The following CUL5 variants were observed in gnomAD, a reference collection of about 807,000 sequenced individuals.
CUL5 encodes the protein cullin-5.
Under a neutral mutation model 108.8 loss-of-function variants are expected in CUL5, and 26 were observed. That is an observed-to-expected ratio of 0.24 (90% confidence interval 0.18 to 0.33). The LOEUF (loss-of-function observed/expected upper bound fraction) is 0.33. CUL5 is among the 10% of genes least tolerant of loss of function. CUL5 has a pLI of 1.00. For missense variants in CUL5, 524 were observed against 909.2 expected (o/e 0.58, Z 5.45); for synonymous variants, 334 against 298.0 (o/e 1.12, Z -1.25).
chr11:108,101,921 C>A (rs1474889571), intron 18 of CUL5, among the ~76,000 whole-genome samples: 1 of 152,206 alleles, frequency 6.6e-6, no homozygotes, highest in African/African-American at 2.4e-5. Context: ...CTGACATAAA[C>A]CCCAATTTAT....
chr11:108,072,434 T>C lies in CUL5; in HGVS notation c.977T>C (p.Met326Thr). Residue 326 changes from methionine to threonine, a missense_variant, in exon 9 of 19, where the codon ATG (methionine) becomes ACG (threonine). Physicochemically the swap from Met to Thr is moderately conservative, Grantham distance 81. Coordinates refer to ENST00000393094, the MANE Select transcript of CUL5 (RefSeq NM_003478.6). ...ATCATTAGTGCTGGCCTGGCAGATATGGTAGCAGCTGCTGAAACTATTACT... is the reference window on the plus strand; with the variant it reads ...ATCATTAGTGCTGGCCTGGCAGATACGGTAGCAGCTGCTGAAACTATTACT... ...EHIISAGLAD[M>T]VAAAETITTD... 6.2e-7 allele frequency: 1 copy of C among 1,612,116 alleles called. No homozygotes were observed. Among genetic ancestry groups the C allele is most frequent in the Non-Finnish European group, 8.5e-7 (1 of 1,178,886 alleles).
At chr11:108,020,217 T>G (rs1414151004) in intron 1 of CUL5, among the ~76,000 whole-genome samples, 2 of 152,194 alleles carry the variant, frequency 1.3e-5, no homozygotes. Flanking sequence ...GTGTGTACCC[T>G]CTAATAAATT....
At chr11:108,084,151 T>C (rs1864168941) in intron 11 of CUL5, among the ~76,000 whole-genome samples, 1 of 152,200 alleles carries the variant, frequency 6.6e-6, no homozygotes, top group African/African-American at 2.4e-5. Context: ...GGAGACTTGC[T>C]TCTGAGGAGG....
chr11:108,063,861 G>A (rs148864451), intron 7 of CUL5, among the ~76,000 whole-genome samples: 37 of 152,170 alleles, frequency 2.4e-4, no homozygotes, highest in African/African-American at 8.4e-4. Context: ...ATCATTATAC[G>A]AGGGTTCCTT....
At chr11:108,044,590 C>CT (rs1178184752) in intron 2 of CUL5, among the ~76,000 whole-genome samples, 5 of 151,750 alleles carry the variant, frequency 3.3e-5, no homozygotes, top group East Asian at 1.9e-4. Context: ...ATTTCTTTGA[C>CT]TTTTTTTAAT....
intron 10 of CUL5, among the ~76,000 whole-genome samples, chr11:108,077,774 G>A (rs530723397): frequency 6.6e-5 from 10 of 152,116 alleles, no homozygotes; most frequent in East Asian, 3.9e-4. Context: ...GTGAAACTCC[G>A]TCTCTACTAA....
intron 7 of CUL5, among the ~76,000 whole-genome samples, chr11:108,055,911 G>A (rs538767190): frequency 4.2e-4 from 64 of 152,198 alleles, no homozygotes; most frequent in Non-Finnish European, 7.8e-4. Flanking sequence ...GATTACAGGC[G>A]TGAGCCACTG....
At chr11:108,013,721 CT>C (rs1239963342) in intron 1 of CUL5, among the ~76,000 whole-genome samples, 1 of 151,830 alleles carries the variant, frequency 6.6e-6, no homozygotes, top group African/African-American at 2.4e-5. Context: ...TCTCAGTGGA[CT>C]TTTTTTTATC....
intron 11 of CUL5, among the ~76,000 whole-genome samples, chr11:108,083,067 T>C (rs1200286713): frequency 2.6e-5 from 4 of 152,256 alleles, no homozygotes; most frequent in Non-Finnish European, 5.9e-5. Flanking sequence ...CTTTTACTTC[T>C]TCCTTTCCAG....
At position 108,105,922 on chromosome 11, in the gene CUL5, G is replaced by C. The variant is rs1489955655; in HGVS notation, c.*1538G>C. The stretch of plus-strand genomic sequence containing the variant: ...GTAGGATCTGTCCCCATCCGAAGAG[G>C]CTTTGTGAACTGCCTGCTGAATGGA... On this transcript the variant is annotated 3_prime_UTR_variant, in exon 19 of 19. Coordinates refer to ENST00000393094, the MANE Select transcript of CUL5 (RefSeq NM_003478.6). The C allele has an allele frequency of 6.6e-6, 1 of 152,102 alleles. No individual in the cohort carries two copies. 9.4% of individuals were successfully genotyped at this position (152,102 alleles called of 1,614,324 possible). A position where few individuals can be genotyped will look rare whatever the true frequency, so the allele number is the denominator to read the frequency against.
intron 4 of CUL5, 125 bp downstream of exon 4, chr11:108,050,191 C>T: frequency 4.5e-6 from 3 of 664,982 alleles, no homozygotes; most frequent in Non-Finnish European, 7.5e-6. Flanking sequence ...CTTTTCAGCT[C>T]TTAACTAGAT....
At position 108,095,674 on chromosome 11, in the gene CUL5, C is replaced by T. The variant is rs1864472461; in HGVS notation, c.1888C>T (p.Leu630Phe). 1 of 1,611,734 alleles carries T rather than the reference C, an allele frequency of 6.2e-7. No individual in the cohort carries two copies. Among genetic ancestry groups the T allele is most frequent in the Admixed American group, 1.7e-5 (1 of 59,354 alleles). ...KLATELPDAE[L>F]RRTLWSLVAF... Reference sequence around the variant, plus strand: ...TGCAACTGAACTCCCTGATGCTGAACTTAGGAGGACTTTATGGGTTGGTTT... The same window carrying T: ...TGCAACTGAACTCCCTGATGCTGAATTTAGGAGGACTTTATGGGTTGGTTT... The change falls in exon 16 of 19, where the codon CTT (leucine) becomes TTT (phenylalanine). Residue 630 changes from leucine (L) to phenylalanine (F), a missense_variant. Transcript: ENST00000393094.
At chr11:108,027,394 C>T (rs1319063352) in intron 1 of CUL5, among the ~76,000 whole-genome samples, 1 of 152,092 alleles carries the variant, frequency 6.6e-6, no homozygotes, top group Non-Finnish European at 1.5e-5. Context: ...ACCTCAGCCT[C>T]CTGAGTAGCC....
At chr11:108,080,142 T>A (rs1373309423) in intron 11 of CUL5, among the ~76,000 whole-genome samples, 3 of 151,804 alleles carry the variant, frequency 2.0e-5, no homozygotes, top group Non-Finnish European at 4.4e-5. Context: ...TATTCGTATA[T>A]TTTCCTTTAT....
At chr11:108,089,439 C>T (rs1485162967) in intron 12 of CUL5, 53 bp from the exon 13 acceptor site, 14 of 1,371,702 alleles carry the variant, frequency 1.0e-5, no homozygotes, top group Middle Eastern at 1.8e-4. Context: ...GGTCTAAATT[C>T]GAGAGATGGT....
chr11:108,045,706 TA>T lies in CUL5; in HGVS notation c.135-555del, dbSNP rs1203241765. Among the ~76,000 whole-genome samples, 9 of 151,246 alleles carry T rather than the reference TA, an allele frequency of 6.0e-5. No homozygotes were observed. The South Asian group carries it at 1.7e-3, about 28-fold the overall frequency. ...GCAAGACTGTTTCTACAACAAAATT[TA>T]AAAAAAAATTAGGCGTGGTGGCATG... On this transcript the variant is annotated intron_variant, in intron 2 of 18. Coordinates refer to ENST00000393094, the MANE Select transcript of CUL5 (RefSeq NM_003478.6).
Position 108,009,355 on chromosome 11 carries a change from A to G in CUL5, c.7A>G (p.Thr3Ala). The change falls in exon 1 of 19, where the codon ACG (threonine) becomes GCG (alanine). Residue 3 changes from threonine (T) to alanine (A), a missense_variant. Thr to Ala is a moderately conservative substitution (Grantham distance 58). Transcript: ENST00000393094. MA[T>A]SNLLKNKGSL... is the part of the protein sequence containing the mutation. Reference sequence around the variant, plus strand: ...AGAGTCCAAGTTAAAGAACATGGCGACGTCTAATCTGTTAAAGGTAAGACC... The same window carrying G: ...AGAGTCCAAGTTAAAGAACATGGCGGCGTCTAATCTGTTAAAGGTAAGACC... The G allele has an allele frequency of 6.2e-7, 1 of 1,613,228 alleles. No individual in the cohort carries two copies. The highest frequency in any genetic ancestry group is 8.5e-7 in the Non-Finnish European group (1 of 1,179,660).
chr11:108,036,951 T>G (rs1862760600), intron 2 of CUL5, among the ~76,000 whole-genome samples: 1 of 152,154 alleles, frequency 6.6e-6, no homozygotes, highest in African/African-American at 2.4e-5. Flanking sequence ...CTCTCCCCAC[T>G]CCTGTTTCTC....
chr11:108,067,740 A>T (rs554513355), intron 7 of CUL5, among the ~76,000 whole-genome samples: 1 of 152,228 alleles, frequency 6.6e-6, no homozygotes, highest in African/African-American at 2.4e-5. Flanking sequence ...TTTGTTCTCT[A>T]TTAGTTATAT....
Sources: allele counts gnomAD v4.1 joint callset (sites outside exome capture counted in the v4.1 genomes callset), GRCh38; gene constraint gnomAD v4.1.1; transcripts MANE v1.5; gene names NCBI Gene and HGNC (gene_info 2026-07-23, HGNC 2026-07-21).